Variants in UBE3A observed in about 807,000 individuals in gnomAD.
UBE3A encodes the protein ubiquitin-protein ligase E3A.
Under a neutral mutation model 83.4 loss-of-function variants are expected in UBE3A, and 6 were observed. That is an observed-to-expected ratio of 0.07 (90% CI 0.04 to 0.14). The LOEUF (loss-of-function observed/expected upper bound fraction) is 0.14, where lower values mean the gene tolerates loss of function less well. UBE3A is among the 10% of genes least tolerant of loss of function. The probability of loss-of-function intolerance (pLI) is 1.00; values close to 1 mark genes in which losing one functional copy is unlikely to be tolerated. For synonymous variants in UBE3A, 337 were observed against 355.4 expected, an observed-to-expected ratio of 0.95 and a Z score of 0.58; for missense variants, 456 against 1,036.1, an observed-to-expected ratio of 0.44 and a Z score of 7.69.
intron 4 of UBE3A, 134 bp downstream of exon 4, chr15:25,405,327 G>T: frequency 9.9e-7 from 1 of 1,013,604 alleles, no homozygotes; most frequent in Non-Finnish European, 1.5e-6. Flanking sequence ...AAGTAGGTAT[G>T]TTCCTATCTC....
intron 6 of UBE3A, among the ~76,000 whole-genome samples, chr15:25,366,817 C>T (rs895665477): frequency 6.6e-6 from 1 of 152,104 alleles, no homozygotes; most frequent in Non-Finnish European, 1.5e-5. Context: ...AACCAAAGGC[C>T]ATCTTCCCAA....
At chr15:25,359,743 T>C (rs562572713) in intron 7 of UBE3A, among the ~76,000 whole-genome samples, 1 of 152,298 alleles carries the variant, frequency 6.6e-6, no homozygotes, top group South Asian at 2.1e-4. Context: ...TTCCCTGTTC[T>C]ACTTTATCAC....
intron 1 of UBE3A, chr15:25,418,563 T>A (rs536649645): frequency 1.3e-5 from 2 of 151,028 alleles, no homozygotes; most frequent in South Asian, 2.1e-4. Flanking sequence ...TAAACTAAGA[T>A]GAAAACAATC....
intron 1 of UBE3A, among the ~76,000 whole-genome samples, chr15:25,433,590 A>ATTT (rs1894141971): frequency 6.6e-6 from 1 of 152,232 alleles, no homozygotes; most frequent in Non-Finnish European, 1.5e-5. Context: ...GAAGGAACGA[A>ATTT]GGCTTCAAAA....
At chr15:25,349,781 A>G (rs1348894199) in intron 11 of UBE3A, among the ~76,000 whole-genome samples, 1 of 152,196 alleles carries the variant, frequency 6.6e-6, no homozygotes, top group African/African-American at 2.4e-5. Flanking sequence ...CTTTAGGGCC[A>G]TTATTAAGTA....
At chr15:25,346,397 G>T (rs1372978666) in intron 11 of UBE3A, 2 of 152,168 alleles carry the variant, frequency 1.3e-5, no homozygotes, top group African/African-American at 4.8e-5. Flanking sequence ...GTACCTACAT[G>T]CTATACCTTA....
chr15:25,404,927 C>T (rs2088107128), intron 4 of UBE3A, among the ~76,000 whole-genome samples: 1 of 151,212 alleles, frequency 6.6e-6, no homozygotes, highest in East Asian at 2.0e-4. Flanking sequence ...TTCCTGGCCA[C>T]TCTTACTTCC....
At chr15:25,359,418 CGTGTGTGTGTGTGTGTGTGTGTGTGT>C (rs60677664) in intron 7 of UBE3A, among the ~76,000 whole-genome samples, 19 of 138,924 alleles carry the variant, frequency 1.4e-4, no homozygotes, top group Admixed American at 2.2e-4. Flanking sequence ...ATAAGGGATG[CGTGTGTGTGTGTGTGTGTGTGTGTGT>C]GTGTGTGTGT....
chr15:25,337,328 G>A lies in UBE3A; in HGVS notation c.*1809C>T, dbSNP rs895958820. On this transcript the variant is annotated 3_prime_UTR_variant, in exon 13 of 13. Coordinates refer to ENST00000648336, the MANE Select transcript of UBE3A (RefSeq NM_130839.5). ...TTAATTACACATTAAGAAGCACAGT[G>A]GATGAGAAGCCTTTAAGATGACTAC... 1 of 152,092 alleles carries A rather than the reference G, an allele frequency of 6.6e-6. No homozygotes were observed. Among genetic ancestry groups the A allele is most frequent in the Admixed American group, 6.6e-5 (1 of 15,266 alleles). The allele number at this position is 152,092 out of a possible 1,614,324, so 9.4% of individuals were successfully genotyped here. A position where few individuals can be genotyped will look rare whatever the true frequency, so the allele number is the denominator to read the frequency against.
At chr15:25,433,203 TTTTC>T (rs1426162242) in intron 1 of UBE3A, among the ~76,000 whole-genome samples, 2 of 151,770 alleles carry the variant, frequency 1.3e-5, no homozygotes, top group Admixed American at 6.6e-5. Context: ...GTTTTTTTTT[TTTTC>T]TTTGAGAGGC....
At chr15:25,368,870 C>A (rs769388806) in intron 6 of UBE3A, among the ~76,000 whole-genome samples, 1 of 151,962 alleles carries the variant, frequency 6.6e-6, no homozygotes, top group Non-Finnish European at 1.5e-5. Context: ...GACTTCTGAG[C>A]GAAAGACAGA....
intron 4 of UBE3A, among the ~76,000 whole-genome samples, chr15:25,404,600 C>T (rs558922446): frequency 6.6e-6 from 1 of 152,254 alleles, no homozygotes; most frequent in South Asian, 2.1e-4. Flanking sequence ...AAGGCTCTCA[C>T]TGACTGAACT....
intron 4 of UBE3A, among the ~76,000 whole-genome samples, chr15:25,377,448 AAATTAAAAACTG>A (rs1386615169): frequency 6.6e-6 from 1 of 152,232 alleles, no homozygotes; most frequent in Admixed American, 6.5e-5. Context: ...CCCCACCTGA[AAATTAAAAACTG>A]TTATCACAGA....
At chr15:25,424,907 A>T (rs1567172128) in intron 1 of UBE3A, among the ~76,000 whole-genome samples, 1 of 152,210 alleles carries the variant, frequency 6.6e-6, no homozygotes, top group Non-Finnish European at 1.5e-5. Flanking sequence ...CATGAATGAG[A>T]AGACAGTATT....
intron 4 of UBE3A, among the ~76,000 whole-genome samples, chr15:25,388,180 T>C (rs989355943): frequency 2.0e-5 from 3 of 152,148 alleles, no homozygotes; most frequent in Admixed American, 1.3e-4. Flanking sequence ...TACAGACCCA[T>C]ATTTGTCATG....
At chr15:25,341,449 C>G (rs1408896879) in intron 11 of UBE3A, among the ~76,000 whole-genome samples, 1 of 150,678 alleles carries the variant, frequency 6.6e-6, no homozygotes, top group Non-Finnish European at 1.5e-5. Flanking sequence ...ATATAAAATG[C>G]ATTTTAATAG....
Position 25,408,506 on chromosome 15 carries a change from C to T in UBE3A, c.20+582G>A, listed in dbSNP as rs572964063. ...TAACATTGGATAATAAAATGTAAAT[C>T]TCAGAATGAGAATCAATTTTAGGTC... On this transcript the variant is annotated intron_variant, in intron 3 of 12. Transcript: ENST00000648336. The T allele has an allele frequency of 4.8e-5, 66 of 1,367,032 alleles. No homozygotes were observed. In the East Asian group the frequency reaches 1.1e-3, roughly 22 times the overall value. 84.7% of individuals were successfully genotyped at this position (1,367,032 alleles called of 1,614,324 possible). A position where few individuals can be genotyped will look rare whatever the true frequency, so the allele number is the denominator to read the frequency against.
At chr15:25,392,668 C>G (rs1430832543) in intron 4 of UBE3A, among the ~76,000 whole-genome samples, 2 of 152,016 alleles carry the variant, frequency 1.3e-5, no homozygotes, top group Non-Finnish European at 2.9e-5. Flanking sequence ...TGACTAGGAG[C>G]TGATGACACT....
At chr15:25,372,971 C>T (rs2152831644) in intron 5 of UBE3A, among the ~76,000 whole-genome samples, 1 of 152,204 alleles carries the variant, frequency 6.6e-6, no homozygotes, top group South Asian at 2.1e-4. Context: ...AATTGAAGCA[C>T]AAAAATACCA....
Sources: gnomAD v4.1 joint callset for allele counts (sites outside exome capture counted in the v4.1 genomes callset) on GRCh38, gnomAD v4.1.1 for gene constraint, MANE v1.5 for transcripts, NCBI Gene and HGNC (gene_info 2026-07-23, HGNC 2026-07-21) for gene names.